ABCC4: variants seen among roughly 807,000 people sequenced by gnomAD.
ABCC4 encodes the protein ATP-binding cassette sub-family C member 4.
Under a neutral mutation model 168.5 loss-of-function variants are expected in ABCC4, and 102 were observed. The ratio of observed to expected loss-of-function variants is 0.61; its 90% CI spans 0.52 to 0.71. The LOEUF (loss-of-function observed/expected upper bound fraction) is 0.71. Ranked by LOEUF, ABCC4 falls within the 30% of genes least tolerant of loss-of-function variation. ABCC4 has a pLI of 0.00. For missense variants in ABCC4, 1,402 were observed against 1,605.8 expected (o/e 0.87, Z 2.17); for synonymous variants, 617 against 590.7 (o/e 1.04, Z -0.65).
intron 1 of ABCC4, among the ~76,000 whole-genome samples, chr13:95,255,527 A>C (rs781109223): frequency 3.3e-5 from 5 of 152,182 alleles, no homozygotes; most frequent in African/African-American, 1.2e-4. Context: ...GGTGTTCTCA[A>C]CATGGTCCCA....
chr13:95,275,731 C>T (rs1271471476), intron 1 of ABCC4, among the ~76,000 whole-genome samples: 1 of 124,522 alleles, frequency 8.0e-6, no homozygotes, highest in African/African-American at 3.1e-5. Context: ...GCCTGGGTGA[C>T]AGAGTAAGTT....
At chr13:95,269,836 C>T (rs1004651601) in intron 1 of ABCC4, among the ~76,000 whole-genome samples, 3 of 151,830 alleles carry the variant, frequency 2.0e-5, no homozygotes, top group African/African-American at 7.3e-5. Flanking sequence ...TGGGGTTTTG[C>T]AAGAAAAGAA....
Position 95,110,042 on chromosome 13 carries a change from C to T in ABCC4, c.2535+5880G>A, listed in dbSNP as rs1001025073. Among the ~76,000 whole-genome samples, 7 of 152,146 alleles carry T rather than the reference C, an allele frequency of 4.6e-5. No homozygotes were observed. In the East Asian group the frequency reaches 5.8e-4, roughly 13 times the overall value. On this transcript the variant is annotated intron_variant, in intron 20 of 30. Coordinates refer to ENST00000645237, the MANE Select transcript of ABCC4 (RefSeq NM_005845.5). Reference sequence around the variant, plus strand: ...GACACGTATTGGCCAGGCGTGATGGCGCACGCCTGTAATCCCAGCACTTTT... The same window carrying T: ...GACACGTATTGGCCAGGCGTGATGGTGCACGCCTGTAATCCCAGCACTTTT...
Position 95,209,517 on chromosome 13 carries a change from T to C in ABCC4, c.702A>G (p.Gly234=). The part of the protein sequence containing the change: ...AVTALLWMEI[G]ISCLAGMAVL... Reference sequence around the variant, plus strand: ...CTGCCATCCCAGCAAGGCACGATATTCCTATCTCCATCCAGAGTAGGGCAG... The same window carrying C: ...CTGCCATCCCAGCAAGGCACGATATCCCTATCTCCATCCAGAGTAGGGCAG... The change falls in exon 6 of 31, where the codon GGA becomes GGG. Residue 234 remains glycine (G), a synonymous_variant. Coordinates refer to ENST00000645237, the MANE Select transcript of ABCC4 (RefSeq NM_005845.5). The C allele has an allele frequency of 6.2e-7, 1 of 1,614,160 alleles. No homozygotes were observed. Among genetic ancestry groups the C allele is most frequent in the East Asian group, 2.2e-5 (1 of 44,886 alleles).
intron 20 of ABCC4, among the ~76,000 whole-genome samples, chr13:95,097,098 G>C (rs1464306415): frequency 2.0e-5 from 3 of 152,026 alleles, no homozygotes; most frequent in African/African-American, 7.2e-5. Context: ...TCTATTGTTT[G>C]CAAATTTGGT....
intron 11 of ABCC4, among the ~76,000 whole-genome samples, chr13:95,183,650 T>C (rs1055694189): frequency 6.6e-6 from 1 of 152,184 alleles, no homozygotes; most frequent in African/African-American, 2.4e-5. Flanking sequence ...CAGTGGCTCA[T>C]GCAAATAATC....
chr13:95,127,878 A>G (rs2035838093), intron 19 of ABCC4, among the ~76,000 whole-genome samples: 1 of 152,228 alleles, frequency 6.6e-6, no homozygotes, highest in Non-Finnish European at 1.5e-5. Context: ...AACCTCAATA[A>G]CTGTCACTGA....
At chr13:95,104,737 ACT>A (rs1354629625) in intron 20 of ABCC4, among the ~76,000 whole-genome samples, 26 of 152,082 alleles carry the variant, frequency 1.7e-4, no homozygotes, top group African/African-American at 6.3e-4. Context: ...ATCACAACTG[ACT>A]CTGAGGAAGC....
chr13:95,192,995 G>A (rs1206480504), intron 9 of ABCC4, among the ~76,000 whole-genome samples: 1 of 152,236 alleles, frequency 6.6e-6, no homozygotes, highest in Non-Finnish European at 1.5e-5. Flanking sequence ...CACCTTGTGT[G>A]AGTTTCCATG....
chr13:95,144,107 C>A (rs1350436258), intron 19 of ABCC4, among the ~76,000 whole-genome samples: 4 of 152,100 alleles, frequency 2.6e-5, no homozygotes, highest in African/African-American at 9.7e-5. Flanking sequence ...CACTGTGACA[C>A]CTGTTATTTG....
intron 29 of ABCC4, 48 bp downstream of exon 29, chr13:95,043,634 A>G (rs367835122): frequency 6.8e-7 from 1 of 1,466,754 alleles, no homozygotes; most frequent in Non-Finnish European, 9.5e-7. Flanking sequence ...AAACTGAAAA[A>G]GTGAACATAA....
intron 20 of ABCC4, among the ~76,000 whole-genome samples, chr13:95,115,032 A>C (rs1025543175): frequency 1.3e-5 from 2 of 152,188 alleles, no homozygotes; most frequent in African/African-American, 4.8e-5. Context: ...GAGATTTTGG[A>C]ATATGTATAG....
chr13:95,123,432 G>A (rs1010878040), intron 19 of ABCC4, among the ~76,000 whole-genome samples: 65 of 152,018 alleles, frequency 4.3e-4, no homozygotes, highest in African/African-American at 1.4e-3. Context: ...GCACGATCTC[G>A]GCTCACCGCA....
chr13:95,241,057 T>G (rs764003432), intron 3 of ABCC4, among the ~76,000 whole-genome samples: 42 of 151,906 alleles, frequency 2.8e-4, no homozygotes, highest in African/African-American at 1.0e-3. Context: ...AAATGTAGAA[T>G]TGAAGTTATT....
At chr13:95,115,708 G>A (rs546286037) in intron 20 of ABCC4, among the ~76,000 whole-genome samples, 124 of 152,222 alleles carry the variant, frequency 8.1e-4, no homozygotes, top group African/African-American at 2.5e-3. Context: ...ACCCTGACGC[G>A]ACTGTATAGC....
At chr13:95,029,243 GAGAGAGAGAGAA>G (rs1157023201) in intron 30 of ABCC4, among the ~76,000 whole-genome samples, 667 of 6,128 alleles carry the variant, frequency 0.11, 28 homozygotes, top group Non-Finnish European at 0.21. Flanking sequence ...GAGAGAGAGA[GAGAGAGAGAGAA>G]AGAGAGAGAG....
chr13:95,070,900 G>T (rs2033700971), intron 25 of ABCC4, among the ~76,000 whole-genome samples: 2 of 152,158 alleles, frequency 1.3e-5, no homozygotes, highest in South Asian at 4.1e-4. Flanking sequence ...TAAGGAAAGG[G>T]CCTGATAATG....
At chr13:95,240,103 C>T (rs1566558816) in intron 3 of ABCC4, among the ~76,000 whole-genome samples, 1 of 152,116 alleles carries the variant, frequency 6.6e-6, no homozygotes, top group Non-Finnish European at 1.5e-5. Context: ...GATCTAACTA[C>T]TAACTTCTGG....
chr13:95,150,071 T>C (rs1020813438), intron 19 of ABCC4, among the ~76,000 whole-genome samples: 1 of 152,236 alleles, frequency 6.6e-6, no homozygotes, highest in South Asian at 2.1e-4. Flanking sequence ...ACATTTGGGC[T>C]CAAGCAATCC....
Sources: allele counts gnomAD v4.1 joint callset (sites outside exome capture counted in the v4.1 genomes callset), GRCh38; gene constraint gnomAD v4.1.1; transcripts MANE v1.5; gene names NCBI Gene and HGNC (gene_info 2026-07-23, HGNC 2026-07-21).